Variants in TTC3 observed in about 807,000 individuals in gnomAD.
The protein encoded by TTC3 is tetratricopeptide repeat domain 3.
TTC3 carries 180 observed loss-of-function variants against 249.6 expected under a neutral mutation model. That is an observed-to-expected ratio of 0.72 (90% CI 0.64 to 0.82). The LOEUF (loss-of-function observed/expected upper bound fraction) is 0.82. TTC3 is among the 40% of genes least tolerant of loss of function. TTC3 has a pLI of 0.00. For missense variants in TTC3, 2,061 were observed against 2,398.4 expected, an observed-to-expected ratio of 0.86 and a Z score of 2.94; for synonymous variants, 717 against 805.0, an observed-to-expected ratio of 0.89 and a Z score of 1.85.
Position 37,122,106 on chromosome 21 carries a change from A to T in TTC3, c.1063+127A>T, listed in dbSNP as rs1409433124. 3.0e-5 allele frequency: 26 copies of T among 862,130 alleles called. No individual in the cohort carries two copies. In the South Asian group the frequency reaches 4.8e-4, roughly 16 times the overall value. 53.4% of individuals were successfully genotyped at this position (862,130 alleles called of 1,614,324 possible). The stretch of plus-strand genomic sequence containing the variant: ...TGATTTATCCTTATTTTATCATGTT[A>T]TCTTGGTCATGGCACTTGAGTTTTT... On this transcript the variant is annotated intron_variant, in intron 12 of 45. Transcript: ENST00000355666.
At chr21:37,075,949 CA>C (rs1313194212) in intron 1 of TTC3, among the ~76,000 whole-genome samples, 3 of 151,744 alleles carry the variant, frequency 2.0e-5, no homozygotes, top group Admixed American at 2.0e-4. Flanking sequence ...TTGATAAATT[CA>C]AAATATATGT....
At chr21:37,089,399 C>G (rs2072943533) in intron 5 of TTC3, among the ~76,000 whole-genome samples, 1 of 151,842 alleles carries the variant, frequency 6.6e-6, no homozygotes, top group African/African-American at 2.4e-5. Context: ...AAGTGTTGTT[C>G]TTGGTACTAT....
chr21:37,200,216 G>A lies in TTC3; in HGVS notation c.5851-16G>A, dbSNP rs1361085747. On this transcript the variant is annotated splice_polypyrimidine_tract_variant and intron_variant, in intron 44 of 45. Coordinates refer to ENST00000355666, the Ensembl canonical transcript of TTC3. ...TGTAGTTATTCTTTACTATTCAGGT[G>A]TGTTTGTTTCCACAGGCACTGGGTG... The A allele has an allele frequency of 4.3e-6, 7 of 1,613,328 alleles. No individual in the cohort carries two copies. The highest frequency in any genetic ancestry group is 1.3e-5 in the African/African-American group (1 of 74,884).
At position 37,119,811 on chromosome 21, in the gene TTC3, T is replaced by C. The variant is rs570782960; in HGVS notation, c.901-2006T>C. 7.2e-5 allele frequency among the ~76,000 whole-genome samples: 11 copies of C among 152,346 alleles called. No homozygotes were observed. The South Asian group carries it at 2.3e-3, about 32-fold the overall frequency. On this transcript the variant is annotated intron_variant, in intron 11 of 45. Coordinates refer to ENST00000355666, the Ensembl canonical transcript of TTC3. ...AAATCAAGTCCTTATTACTTCATTT[T>C]GGTCAGAAGTGGAGGTTAGAGTGTA...
At chr21:37,073,417 G>T in intron 1 of TTC3, 2 of 986,720 alleles carry the variant, frequency 2.0e-6, no homozygotes, top group Non-Finnish European at 2.4e-6. Flanking sequence ...ACCTTGTCCC[G>T]CTGCAGCCGA....
chr21:37,121,847 A>C (rs746590300), exon 12 of TTC3: 1 of 1,609,326 alleles, frequency 6.2e-7, no homozygotes, highest in South Asian at 1.1e-5. Context: ...TGCTCTTTCT[A>C]TGCTGGGGGA....
intron 10 of TTC3, among the ~76,000 whole-genome samples, chr21:37,104,892 A>G (rs1031484215): frequency 6.6e-6 from 1 of 152,202 alleles, no homozygotes; most frequent in Non-Finnish European, 1.5e-5. Context: ...AACTCCCCAG[A>G]TGGTACTAAT....
chr21:37,084,144 A>C (rs1320589698), intron 1 of TTC3: 3 of 152,208 alleles, frequency 2.0e-5, no homozygotes, highest in South Asian at 2.1e-4. Context: ...GTGGTGGATA[A>C]ATTCACCCAA....
chr21:37,172,769 T>C lies in TTC3; in HGVS notation c.4617+25T>C, dbSNP rs1330773918. 4 of 1,611,622 alleles carry C rather than the reference T, an allele frequency of 2.5e-6. No individual in the cohort carries two copies. In the Admixed American group the frequency reaches 6.7e-5, roughly 27 times the overall value. On this transcript the variant is annotated intron_variant, in intron 35 of 45. Transcript: ENST00000355666. ...GGTAATCCTGTCTGAAACCTGTCTTTAATTGCATGTAGCATAGTTAGGAGA... is the reference window on the plus strand; with the variant it reads ...GGTAATCCTGTCTGAAACCTGTCTTCAATTGCATGTAGCATAGTTAGGAGA...
rs777391460 is a variant in TTC3, at chr21:37,132,684, C to T, written c.1361C>T (p.Ser454Phe). The T allele has an allele frequency of 3.5e-5, 55 of 1,587,414 alleles. No individual in the cohort carries two copies. In the East Asian group the frequency reaches 6.1e-4, roughly 18 times the overall value. ...TAAAAATGCTTTTTTTCTTTTAGTT[C>T]TAGTTCACCATTGACTTTACCAGCA... Residue 454 changes from serine (S) to phenylalanine (F), a missense_variant and splice_region_variant, in exon 17 of 46, where the codon TCT becomes TTT. Coordinates refer to ENST00000355666, the Ensembl canonical transcript of TTC3.
intron 1 of TTC3, among the ~76,000 whole-genome samples, chr21:37,075,184 A>G (rs1158116111): frequency 2.2e-5 from 3 of 136,224 alleles, no homozygotes; most frequent in Admixed American, 1.5e-4. Context: ...TTTTTTGCTC[A>G]GCATCATATT....
At chr21:37,140,200 A>G (rs1327652488) in intron 19 of TTC3, among the ~76,000 whole-genome samples, 2 of 151,970 alleles carry the variant, frequency 1.3e-5, no homozygotes, top group Non-Finnish European at 2.9e-5. Context: ...AATAGGATCT[A>G]TGTTATGGTG....
intron 31 of TTC3, among the ~76,000 whole-genome samples, chr21:37,162,839 C>A (rs1250135390): frequency 6.6e-6 from 1 of 152,034 alleles, no homozygotes; most frequent in Non-Finnish European, 1.5e-5. Flanking sequence ...AAGGTACTGG[C>A]AGATTCAGTG....
At chr21:37,082,551 G>C (rs2071843280) in intron 1 of TTC3, 1 of 985,178 alleles carries the variant, frequency 1.0e-6, no homozygotes. Flanking sequence ...TTCTGGCCCA[G>C]GGCTCAGTGT....
At chr21:37,138,565 C>T (rs1214579557) in intron 18 of TTC3, 69 bp from the exon 19 acceptor site, 20 of 1,016,760 alleles carry the variant, frequency 2.0e-5, no homozygotes, top group Non-Finnish European at 2.9e-5. Flanking sequence ...ACTTCTTTTT[C>T]TGTTGTGACT....
intron 13 of TTC3, among the ~76,000 whole-genome samples, chr21:37,123,301 T>G (rs2076775828): frequency 6.6e-6 from 1 of 152,206 alleles, no homozygotes; most frequent in South Asian, 2.1e-4. Flanking sequence ...GACATTACTA[T>G]GCTTGGATGG....
chr21:37,179,391 C>T (rs1012884117), intron 35 of TTC3, among the ~76,000 whole-genome samples: 5 of 152,140 alleles, frequency 3.3e-5, no homozygotes, highest in African/African-American at 1.2e-4. Flanking sequence ...GTAAATGTAT[C>T]TCCTGTCTCC....
chr21:37,173,166 T>G (rs1187255054), intron 35 of TTC3, among the ~76,000 whole-genome samples: 2 of 152,168 alleles, frequency 1.3e-5, no homozygotes, highest in Admixed American at 6.5e-5. Context: ...GGCAATTTAC[T>G]TAACTTCTCT....
chr21:37,076,049 A>G (rs1339019625), intron 1 of TTC3, among the ~76,000 whole-genome samples: 1 of 152,238 alleles, frequency 6.6e-6, no homozygotes, highest in Non-Finnish European at 1.5e-5. Flanking sequence ...CCAGTATTGA[A>G]TGTGCTTACT....
Sources: gnomAD v4.1 joint callset for allele counts (sites outside exome capture counted in the v4.1 genomes callset) on GRCh38, gnomAD v4.1.1 for gene constraint, MANE v1.5 for transcripts, NCBI Gene and HGNC (gene_info 2026-07-23, HGNC 2026-07-21) for gene names.